INPP4B: variants seen among roughly 807,000 people sequenced by gnomAD.
INPP4B encodes inositol polyphosphate-4-phosphatase type II B, also known as inositol polyphosphate 4-phosphatase type II.
Under a neutral mutation model 122.5 loss-of-function variants are expected in INPP4B, and 55 were observed. That is an observed-to-expected ratio of 0.45 (90% CI 0.36 to 0.56). The LOEUF is 0.56. INPP4B is among the 20% of genes least tolerant of loss of function. The pLI is 0.00. For synonymous variants in INPP4B, 403 were observed against 388.7 expected (o/e 1.04, Z -0.43); for missense variants, 1,000 against 1,097.7 (o/e 0.91, Z 1.26).
intron 2 of INPP4B, among the ~76,000 whole-genome samples, chr4:142,630,879 A>G (rs1747788216): frequency 6.6e-6 from 1 of 152,066 alleles, no homozygotes; most frequent in African/African-American, 2.4e-5. Flanking sequence ...TTAAAAGTGA[A>G]CATCTCTTTA....
At chr4:142,213,759 G>A (rs138384667) in intron 12 of INPP4B, among the ~76,000 whole-genome samples, 7 of 152,116 alleles carry the variant, frequency 4.6e-5, no homozygotes, top group East Asian at 1.9e-4. Context: ...TACATGAAGC[G>A]AATACCAAGT....
chr4:142,595,044 T>C (rs1229022061), intron 2 of INPP4B, among the ~76,000 whole-genome samples: 1 of 151,990 alleles, frequency 6.6e-6, no homozygotes, highest in East Asian at 1.9e-4. Flanking sequence ...ATTTGACTAT[T>C]AGCTGTAATG....
chr4:142,806,069 G>A (rs1580960445), intron 1 of INPP4B, among the ~76,000 whole-genome samples: 1 of 151,884 alleles, frequency 6.6e-6, no homozygotes, highest in Non-Finnish European at 1.5e-5. Context: ...CACGAGGTCA[G>A]GAGATTGAGA....
intron 2 of INPP4B, among the ~76,000 whole-genome samples, chr4:142,537,419 TATATATATATAGAGAGAGAGAGAGAG>T (rs1484117857): frequency 5.0e-4 from 26 of 52,140 alleles, no homozygotes; most frequent in African/African-American, 1.5e-3. Context: ...TATATATATA[TATATATATATAGAGAGAGAGAGAGAG>T]AGAGAGAGAG....
chr4:142,214,016 T>C (rs1303607707), intron 12 of INPP4B, among the ~76,000 whole-genome samples: 1 of 152,186 alleles, frequency 6.6e-6, no homozygotes, highest in African/African-American at 2.4e-5. Context: ...TGAGCCCAAA[T>C]GTATGGAGCC....
intron 1 of INPP4B, among the ~76,000 whole-genome samples, chr4:142,845,966 G>A (rs563123188): frequency 6.4e-4 from 97 of 152,146 alleles, no homozygotes; most frequent in Middle Eastern, 3.4e-3. Flanking sequence ...GGGTAGGCGC[G>A]GTGACAGGGG....
chr4:142,817,320 A>T (rs1240867308), intron 1 of INPP4B, among the ~76,000 whole-genome samples: 2 of 152,136 alleles, frequency 1.3e-5, no homozygotes, highest in Non-Finnish European at 2.9e-5. Flanking sequence ...AATACTAAAG[A>T]TGTGTGAAAT....
intron 25 of INPP4B, among the ~76,000 whole-genome samples, chr4:142,074,542 C>G (rs1257902898): frequency 6.6e-6 from 1 of 151,960 alleles, no homozygotes. Flanking sequence ...CCCATTATAC[C>G]TATTGGTTTA....
At chr4:142,147,447 G>T (rs191305697) in intron 17 of INPP4B, among the ~76,000 whole-genome samples, 1 of 152,262 alleles carries the variant, frequency 6.6e-6, no homozygotes. Context: ...AACATTCAAA[G>T]TTAGCACAGG....
intron 2 of INPP4B, among the ~76,000 whole-genome samples, chr4:142,701,506 CA>C (rs111658023): frequency 0.097 from 9,921 of 102,790 alleles, 316 homozygotes; most frequent in Middle Eastern, 0.17. Flanking sequence ...ACCGAGCAGC[CA>C]AAAAAAAAAA....
At chr4:142,231,799 T>G (rs921069923) in intron 12 of INPP4B, among the ~76,000 whole-genome samples, 4 of 152,180 alleles carry the variant, frequency 2.6e-5, no homozygotes. Context: ...AATTGTTTAT[T>G]CATCAGCTTA....
chr4:142,102,020 C>G (rs1046737856), intron 23 of INPP4B, among the ~76,000 whole-genome samples: 1 of 152,036 alleles, frequency 6.6e-6, no homozygotes, highest in African/African-American at 2.4e-5. Context: ...TCCTTCTCAC[C>G]TGCTTCTGTG....
At chr4:142,358,664 A>C (rs1051563438) in intron 7 of INPP4B, among the ~76,000 whole-genome samples, 2 of 151,198 alleles carry the variant, frequency 1.3e-5, no homozygotes, top group African/African-American at 4.9e-5. Flanking sequence ...AAAAAAAAAA[A>C]AAAAAAACTC....
chr4:142,249,960 A>C (rs758044104), intron 11 of INPP4B, among the ~76,000 whole-genome samples: 2 of 152,226 alleles, frequency 1.3e-5, no homozygotes, highest in Non-Finnish European at 2.9e-5. Flanking sequence ...GTACTATTTT[A>C]CTTAAACAAA....
At chr4:142,783,462 G>A (rs1775219577) in intron 1 of INPP4B, among the ~76,000 whole-genome samples, 1 of 151,966 alleles carries the variant, frequency 6.6e-6, no homozygotes, top group African/African-American at 2.4e-5. Context: ...ATTGGAATTG[G>A]GTATCTTCCA....
At chr4:142,529,611 T>G (rs1270807414) in intron 2 of INPP4B, among the ~76,000 whole-genome samples, 1 of 152,104 alleles carries the variant, frequency 6.6e-6, no homozygotes, top group Non-Finnish European at 1.5e-5. Context: ...ATTCCTAGCA[T>G]GATAAATATT....
At chr4:142,246,024 G>A (rs1386778708) in intron 11 of INPP4B, among the ~76,000 whole-genome samples, 2 of 136,754 alleles carry the variant, frequency 1.5e-5, no homozygotes, top group African/African-American at 2.9e-5. Flanking sequence ...ATGTGTGTAT[G>A]TACACACACG....
At chr4:142,445,703 T>C (rs1331782636) in intron 3 of INPP4B, among the ~76,000 whole-genome samples, 3 of 152,166 alleles carry the variant, frequency 2.0e-5, no homozygotes, top group African/African-American at 7.2e-5. Flanking sequence ...AACTGACACT[T>C]ATAAAATGCT....
chr4:142,611,645 T>C lies in INPP4B; in HGVS notation c.-191+114194A>G, dbSNP rs149625590. On this transcript the variant is annotated intron_variant, in intron 2 of 25. Coordinates refer to ENST00000262992, the MANE Select transcript of INPP4B (RefSeq NM_001101669.3). ...TCTGTTTTTTCTTTTTTCTTTTTTTTTTTTTTTTTTTTTTTTGAGATGGAG... is the reference window on the plus strand; with the variant it reads ...TCTGTTTTTTCTTTTTTCTTTTTTTCTTTTTTTTTTTTTTTTGAGATGGAG... Among the ~76,000 whole-genome samples, 131 of 131,002 alleles carry C rather than the reference T, an allele frequency of 1.0e-3. 1 individual carries two copies. Among genetic ancestry groups the C allele is most frequent in the Middle Eastern group, 7.2e-3 (2 of 278 alleles). 85.9% of individuals were successfully genotyped at this position (131,002 alleles called of 152,430 possible).
Sources: allele counts gnomAD v4.1 joint callset (sites outside exome capture counted in the v4.1 genomes callset), GRCh38; gene constraint gnomAD v4.1.1; transcripts MANE v1.5; gene names NCBI Gene and HGNC (gene_info 2026-07-23, HGNC 2026-07-21).